The following LRRTM4 variants were observed in gnomAD, a reference collection of about 807,000 sequenced individuals.
The protein encoded by LRRTM4 is leucine-rich repeat transmembrane neuronal protein 4.
In LRRTM4, 25 loss-of-function variants were observed where a neutral mutation model predicts 47.6. That is an observed-to-expected ratio of 0.53 (90% CI 0.38 to 0.73). The LOEUF (loss-of-function observed/expected upper bound fraction) is 0.73, where lower values mean the gene tolerates loss of function less well. Among genes scored for constraint, LRRTM4 ranks in the 30% least tolerant of loss-of-function variants. The pLI, the probability that LRRTM4 is intolerant of heterozygous loss-of-function variation, is 0.00. For synonymous variants in LRRTM4, 311 were observed against 269.5 expected (o/e 1.15, Z -1.51); for missense variants, 638 against 713.4 (o/e 0.89, Z 1.20).
At chr2:77,427,532 C>A (rs934100287) in intron 3 of LRRTM4, among the ~76,000 whole-genome samples, 3 of 152,118 alleles carry the variant, frequency 2.0e-5, no homozygotes, top group Non-Finnish European at 4.4e-5. Flanking sequence ...TTTATAAGCA[C>A]AGAGAAAACT....
intron 3 of LRRTM4, among the ~76,000 whole-genome samples, chr2:77,367,936 AC>A (rs1403270463): frequency 1.3e-5 from 2 of 151,820 alleles, no homozygotes; most frequent in African/African-American, 2.4e-5. Flanking sequence ...AAAATCAAAT[AC>A]TTTTTATCTG....
chr2:76,776,570 C>T (rs1674005792), intron 3 of LRRTM4, among the ~76,000 whole-genome samples: 1 of 152,138 alleles, frequency 6.6e-6, no homozygotes, highest in African/African-American at 2.4e-5. Context: ...TGAGAAGTGT[C>T]TGTTCATGAC....
chr2:77,338,603 A>G (rs1671251496), intron 3 of LRRTM4, among the ~76,000 whole-genome samples: 1 of 151,980 alleles, frequency 6.6e-6, no homozygotes. Context: ...CAGAAAACAG[A>G]TGTTGATGAG....
At chr2:77,438,164 A>G (rs956812563) in intron 3 of LRRTM4, among the ~76,000 whole-genome samples, 1 of 152,160 alleles carries the variant, frequency 6.6e-6, no homozygotes, top group Non-Finnish European at 1.5e-5. Context: ...CATAAATAAA[A>G]GTTATGTTTT....
chr2:77,378,346 A>T (rs1393614575), intron 3 of LRRTM4, among the ~76,000 whole-genome samples: 2 of 151,770 alleles, frequency 1.3e-5, no homozygotes, highest in East Asian at 3.9e-4. Flanking sequence ...AATTTGTTTG[A>T]TTTTCTATCT....
intron 3 of LRRTM4, among the ~76,000 whole-genome samples, chr2:77,375,518 A>C (rs1672803913): frequency 6.6e-6 from 1 of 151,824 alleles, no homozygotes; most frequent in African/African-American, 2.4e-5. Flanking sequence ...TATAGGCACA[A>C]TACTGTATAG....
At chr2:77,509,622 C>A (rs1422888656) in intron 3 of LRRTM4, among the ~76,000 whole-genome samples, 1 of 152,096 alleles carries the variant, frequency 6.6e-6, no homozygotes, top group Non-Finnish European at 1.5e-5. Context: ...AATACAGCTA[C>A]ATTGTATTTT....
At chr2:77,225,983 TAAA>T (rs1674792909) in intron 3 of LRRTM4, among the ~76,000 whole-genome samples, 1 of 151,784 alleles carries the variant, frequency 6.6e-6, no homozygotes, top group African/African-American at 2.4e-5. Flanking sequence ...GTAGTAAAAA[TAAA>T]GAACGTAAAA....
chr2:76,759,847 T>C (rs140428752), intron 3 of LRRTM4, among the ~76,000 whole-genome samples: 163 of 152,130 alleles, frequency 1.1e-3, no homozygotes, highest in African/African-American at 3.8e-3. Context: ...GTTTAAAATG[T>C]CACCCCACGC....
intron 3 of LRRTM4, among the ~76,000 whole-genome samples, chr2:77,274,849 T>G (rs1354942202): frequency 6.6e-6 from 1 of 152,136 alleles, no homozygotes; most frequent in Non-Finnish European, 1.5e-5. Flanking sequence ...AAACCAGATA[T>G]TTTGACAGAA....
intron 3 of LRRTM4, among the ~76,000 whole-genome samples, chr2:77,402,663 G>A (rs1007686068): frequency 5.9e-5 from 9 of 151,806 alleles, no homozygotes; most frequent in South Asian, 2.1e-4. Context: ...GTTCCTTTAC[G>A]TTTTTTTGTT....
chr2:77,381,305 A>G (rs1673042362), intron 3 of LRRTM4, among the ~76,000 whole-genome samples: 2 of 152,124 alleles, frequency 1.3e-5, no homozygotes, highest in Admixed American at 1.3e-4. Flanking sequence ...CAAATGTTAC[A>G]TATACCAAAA....
intron 3 of LRRTM4, among the ~76,000 whole-genome samples, chr2:76,859,248 G>A (rs1256996905): frequency 6.6e-6 from 1 of 151,994 alleles, no homozygotes; most frequent in Non-Finnish European, 1.5e-5. Flanking sequence ...TCCCAGCTTT[G>A]TCATTTACTG....
intron 3 of LRRTM4, among the ~76,000 whole-genome samples, chr2:77,465,900 G>A (rs571703943): frequency 2.0e-5 from 3 of 149,708 alleles, no homozygotes; most frequent in Non-Finnish European, 4.5e-5. Flanking sequence ...AATACATACA[G>A]GGAGCTGGCA....
chr2:77,271,315 A>G (rs1676184195), intron 3 of LRRTM4, among the ~76,000 whole-genome samples: 1 of 152,262 alleles, frequency 6.6e-6, no homozygotes, highest in African/African-American at 2.4e-5. Context: ...AGCTGCTAAT[A>G]CACCACCATC....
At chr2:77,115,975 G>C (rs556225596) in intron 3 of LRRTM4, among the ~76,000 whole-genome samples, 1 of 152,148 alleles carries the variant, frequency 6.6e-6, no homozygotes, top group Admixed American at 6.5e-5. Flanking sequence ...CCTGAACCTT[G>C]TCTGCTTGGG....
At chr2:76,911,914 T>G (rs190905689) in intron 3 of LRRTM4, among the ~76,000 whole-genome samples, 1 of 120,220 alleles carries the variant, frequency 8.3e-6, no homozygotes, top group Admixed American at 1.0e-4. Context: ...TTACAAAGAG[T>G]GAGTTGTGGT....
At chr2:76,775,833 T>C (rs895624391) in intron 3 of LRRTM4, among the ~76,000 whole-genome samples, 10 of 152,162 alleles carry the variant, frequency 6.6e-5, no homozygotes, top group Admixed American at 5.2e-4. Flanking sequence ...TGTATACATG[T>C]GCCATGCTGG....
intron 3 of LRRTM4, among the ~76,000 whole-genome samples, chr2:77,086,772 G>T (rs1399961005): frequency 3.3e-5 from 5 of 152,136 alleles, no homozygotes; most frequent in African/African-American, 1.2e-4. Context: ...TGAGATTACA[G>T]GTGTGAGCCA....
Sources: gnomAD v4.1 joint callset for allele counts (sites outside exome capture counted in the v4.1 genomes callset) on GRCh38, gnomAD v4.1.1 for gene constraint, MANE v1.5 for transcripts, NCBI Gene and HGNC (gene_info 2026-07-23, HGNC 2026-07-21) for gene names.